CNTNAP5: variants seen among roughly 807,000 people sequenced by gnomAD.
CNTNAP5 encodes contactin associated protein family member 5.
A neutral mutation model predicts 150.2 loss-of-function variants in CNTNAP5; 72 were observed. That is an observed-to-expected ratio of 0.48 (90% CI 0.40 to 0.58). The LOEUF is 0.58. Ranked by LOEUF, CNTNAP5 falls within the 20% of genes least tolerant of loss-of-function variation. The pLI is 0.00. For synonymous variants in CNTNAP5, 672 were observed against 619.8 expected, an observed-to-expected ratio of 1.08 and a Z score of -1.25; for missense variants, 1,636 against 1,626.2, an observed-to-expected ratio of 1.01 and a Z score of -0.10.
At chr2:124,729,830 A>G (rs1680233367) in intron 13 of CNTNAP5, among the ~76,000 whole-genome samples, 1 of 151,996 alleles carries the variant, frequency 6.6e-6, no homozygotes, top group African/African-American at 2.4e-5. Flanking sequence ...TATCCAAAAA[A>G]CCTGTTCACA....
At chr2:124,480,081 A>G (rs1043935703) in intron 7 of CNTNAP5, among the ~76,000 whole-genome samples, 12 of 152,222 alleles carry the variant, frequency 7.9e-5, no homozygotes, top group African/African-American at 2.9e-4. Context: ...GCAGTCACAT[A>G]CAGTTCCAAA....
chr2:124,818,320 G>C (rs1486365628), intron 19 of CNTNAP5, among the ~76,000 whole-genome samples: 2 of 152,220 alleles, frequency 1.3e-5, no homozygotes, highest in African/African-American at 2.4e-5. Flanking sequence ...AAGAGTTCAA[G>C]ACCAGCCTGG....
Position 124,703,154 on chromosome 2 carries a change from C to T in CNTNAP5, c.2078-44075C>T, listed in dbSNP as rs182161193. Among the ~76,000 whole-genome samples the T allele has an allele frequency of 4.9e-3, 612 of 125,444 alleles. 8 individuals carry two copies. The highest frequency in any genetic ancestry group is 0.016 in the African/African-American group (567 of 35,700). The allele number at this position is 125,444 out of a possible 152,430, so 82.3% of individuals were successfully genotyped here. A position where few individuals can be genotyped will look rare whatever the true frequency, so the allele number is the denominator to read the frequency against. On this transcript the variant is annotated intron_variant, in intron 13 of 23. Coordinates refer to ENST00000682447, the MANE Select transcript of CNTNAP5 (RefSeq NM_001367498.1). ...GTCTCCCTCCCTCCCTTCTTTCCTC[C>T]CTTTCTTCCTTTAGCCCTTTCTTCC...
intron 1 of CNTNAP5, among the ~76,000 whole-genome samples, chr2:124,213,377 G>A (rs1009227538): frequency 2.6e-5 from 4 of 152,098 alleles, no homozygotes; most frequent in African/African-American, 4.8e-5. Context: ...GAATCAAATC[G>A]TGAGAAAGAG....
intron 7 of CNTNAP5, among the ~76,000 whole-genome samples, chr2:124,492,678 T>C (rs2104851433): frequency 6.6e-6 from 1 of 152,320 alleles, no homozygotes; most frequent in East Asian, 1.9e-4. Flanking sequence ...GTATGAACAT[T>C]GTAACAATAT....
intron 3 of CNTNAP5, among the ~76,000 whole-genome samples, chr2:124,345,467 T>TG (rs1689716108): frequency 6.6e-6 from 1 of 152,080 alleles, no homozygotes; most frequent in Non-Finnish European, 1.5e-5. Flanking sequence ...GTCATTAGTA[T>TG]GGGGGAGGAA....
intron 10 of CNTNAP5, 111 bp from the exon 11 acceptor site, chr2:124,563,105 CA>C (rs2104930613): frequency 1.5e-6 from 1 of 674,654 alleles, no homozygotes; most frequent in East Asian, 2.7e-5. Context: ...GGGAGTATAG[CA>C]AATCAATATC....
intron 3 of CNTNAP5, among the ~76,000 whole-genome samples, chr2:124,301,362 A>T (rs1422905518): frequency 1.3e-5 from 2 of 152,204 alleles, no homozygotes; most frequent in Non-Finnish European, 1.5e-5. Flanking sequence ...TATCCATCAC[A>T]CTTAACTCTT....
chr2:124,539,626 C>T (rs535226275), intron 10 of CNTNAP5, among the ~76,000 whole-genome samples: 15 of 152,144 alleles, frequency 9.9e-5, no homozygotes, highest in African/African-American at 2.9e-4. Context: ...AAAAGCAAGG[C>T]GATATTATTC....
chr2:124,090,593 G>T lies in CNTNAP5; in HGVS notation c.82+64861G>T, dbSNP rs1016621323. Among the ~76,000 whole-genome samples the T allele has an allele frequency of 2.0e-5, 3 of 152,062 alleles. No individual in the cohort carries two copies. The South Asian group carries it at 6.2e-4, about 32-fold the overall frequency. On this transcript the variant is annotated intron_variant, in intron 1 of 23. Coordinates refer to ENST00000682447, the MANE Select transcript of CNTNAP5 (RefSeq NM_001367498.1). ...TTGTGTTTGAACACACGGTTTTCAT[G>T]GAAGAAGTAATGATAAATAATATAA...
intron 12 of CNTNAP5, among the ~76,000 whole-genome samples, chr2:124,616,562 T>G (rs2104991383): frequency 6.6e-6 from 1 of 152,324 alleles, no homozygotes; most frequent in African/African-American, 2.4e-5. Context: ...CATTCACATG[T>G]TCACTGAAGT....
At chr2:124,729,228 T>G (rs767055539) in intron 13 of CNTNAP5, among the ~76,000 whole-genome samples, 44 of 152,114 alleles carry the variant, frequency 2.9e-4, no homozygotes, top group Admixed American at 9.8e-4. Flanking sequence ...TCCTTTGAAA[T>G]GATTCCATGT....
At chr2:124,032,411 A>T (rs1387608788) in intron 1 of CNTNAP5, among the ~76,000 whole-genome samples, 2 of 152,184 alleles carry the variant, frequency 1.3e-5, no homozygotes, top group Non-Finnish European at 2.9e-5. Flanking sequence ...GATTATAGTC[A>T]GATTTTTTTG....
intron 1 of CNTNAP5, among the ~76,000 whole-genome samples, chr2:124,168,229 T>C (rs1384586374): frequency 6.6e-6 from 1 of 152,210 alleles, no homozygotes; most frequent in Non-Finnish European, 1.5e-5. Context: ...GTCCACACTA[T>C]AGCATAGATG....
At chr2:124,721,297 G>A (rs1323544060) in intron 13 of CNTNAP5, among the ~76,000 whole-genome samples, 1 of 151,988 alleles carries the variant, frequency 6.6e-6, no homozygotes, top group Non-Finnish European at 1.5e-5. Context: ...TGACCAACAT[G>A]GTGAAACCCC....
chr2:124,035,894 T>C (rs935027776), intron 1 of CNTNAP5, among the ~76,000 whole-genome samples: 14 of 150,074 alleles, frequency 9.3e-5, no homozygotes, highest in Non-Finnish European at 1.8e-4. Flanking sequence ...GGTTGCTGCA[T>C]TTCCCAGGAT....
At chr2:124,203,244 T>C (rs2104712758) in intron 1 of CNTNAP5, among the ~76,000 whole-genome samples, 1 of 152,316 alleles carries the variant, frequency 6.6e-6, no homozygotes, top group Admixed American at 6.5e-5. Context: ...TTTGACTCCA[T>C]GTCTCACATC....
chr2:124,080,339 A>C (rs1682531696), intron 1 of CNTNAP5, among the ~76,000 whole-genome samples: 1 of 152,222 alleles, frequency 6.6e-6, no homozygotes, highest in Admixed American at 6.5e-5. Flanking sequence ...AGGATAAATG[A>C]ACTGTATAAG....
chr2:124,635,525 A>G (rs978715363), intron 12 of CNTNAP5, among the ~76,000 whole-genome samples: 3 of 152,196 alleles, frequency 2.0e-5, no homozygotes, highest in Non-Finnish European at 4.4e-5. Context: ...CAGAGATGCA[A>G]TGAGAAGGTC....
Sources: allele counts gnomAD v4.1 joint callset (sites outside exome capture counted in the v4.1 genomes callset), GRCh38; gene constraint gnomAD v4.1.1; transcripts MANE v1.5; gene names NCBI Gene and HGNC (gene_info 2026-07-23, HGNC 2026-07-21).